The following SH3BP4 variants were observed in gnomAD, a reference collection of about 807,000 sequenced individuals.
SH3BP4 encodes SH3 domain-binding protein 4.
In SH3BP4, 33 loss-of-function variants were observed where a neutral mutation model predicts 65.5. That is an observed-to-expected ratio of 0.50 (90% CI 0.38 to 0.67). The LOEUF (loss-of-function observed/expected upper bound fraction) is 0.67. SH3BP4 is among the 30% of genes least tolerant of loss of function. The pLI is 0.00. For missense variants in SH3BP4, 1,134 were observed against 1,261.4 expected (o/e 0.90, Z 1.53); for synonymous variants, 552 against 545.5 (o/e 1.01, Z -0.17).
intron 2 of SH3BP4, among the ~76,000 whole-genome samples, chr2:235,020,310 G>A (rs1421042099): frequency 6.6e-6 from 1 of 152,182 alleles, no homozygotes; most frequent in Non-Finnish European, 1.5e-5. Context: ...AGCCTGGACA[G>A]CATGGTGAAA....
chr2:234,962,613 A>G (rs1329445714), intron 1 of SH3BP4, among the ~76,000 whole-genome samples: 1 of 152,208 alleles, frequency 6.6e-6, no homozygotes, highest in Non-Finnish European at 1.5e-5. Context: ...GGACACTTTC[A>G]TATGCGTCTT....
At chr2:234,995,884 C>T (rs746977806) in intron 2 of SH3BP4, 12 of 152,258 alleles carry the variant, frequency 7.9e-5, no homozygotes, top group Non-Finnish European at 1.3e-4. Flanking sequence ...CTCCCTGGGG[C>T]GTCAGGGGAG....
At chr2:235,009,289 A>G (rs73995731) in intron 2 of SH3BP4, among the ~76,000 whole-genome samples, 6,611 of 152,226 alleles carry the variant, frequency 0.043, 477 homozygotes, top group African/African-American at 0.15. Flanking sequence ...TCCACTCTGC[A>G]AAGGCAGTTG....
chr2:235,011,058 C>G (rs1461839535), intron 2 of SH3BP4, among the ~76,000 whole-genome samples: 1 of 148,806 alleles, frequency 6.7e-6, no homozygotes, highest in Admixed American at 6.6e-5. Flanking sequence ...ACCTTCCTCC[C>G]TCTCCTAGGA....
intron 1 of SH3BP4, among the ~76,000 whole-genome samples, chr2:234,982,316 C>A (rs1693411937): frequency 6.6e-6 from 1 of 152,088 alleles, no homozygotes; most frequent in Non-Finnish European, 1.5e-5. Context: ...TTGTCCACTT[C>A]TGTGTTGGTG....
intron 2 of SH3BP4, among the ~76,000 whole-genome samples, chr2:235,031,324 G>A (rs889118683): frequency 6.6e-6 from 1 of 152,136 alleles, no homozygotes; most frequent in Non-Finnish European, 1.5e-5. Context: ...TCAGGGGAGT[G>A]GCCATACCCC....
chr2:235,002,451 A>G (rs75135166), intron 2 of SH3BP4, among the ~76,000 whole-genome samples: 5,522 of 152,160 alleles, frequency 0.036, 337 homozygotes, highest in African/African-American at 0.13. Context: ...ACCAAGGTCA[A>G]GCTGGATGCG....
intron 2 of SH3BP4, among the ~76,000 whole-genome samples, chr2:235,010,133 A>C (rs1694431042): frequency 1.3e-5 from 2 of 151,232 alleles, no homozygotes; most frequent in East Asian, 2.0e-4. Context: ...CAGATTAGAG[A>C]CCCCTCCCCA....
intron 2 of SH3BP4, among the ~76,000 whole-genome samples, chr2:235,017,054 T>TC (rs1278583457): frequency 6.7e-6 from 1 of 149,452 alleles, no homozygotes; most frequent in South Asian, 2.1e-4. Context: ...TCTTTTTTTT[T>TC]TTTTTTTTTT....
Position 234,977,307 on chromosome 2 carries a change from C to T in SH3BP4, c.-206-17996C>T, listed in dbSNP as rs1040356153. ...CTTTCCTACAGACCCTCGCTTGGTG[C>T]GCCATGGCAGCTGGGCCCAGGCCTC... On this transcript the variant is annotated intron_variant, in intron 1 of 5. Transcript: ENST00000392011. This position sits in a 1 kb window ranked among gnomAD's most constrained non-coding sequence, Gnocchi z 5.1. 3.9e-5 allele frequency among the ~76,000 whole-genome samples: 6 copies of T among 152,082 alleles called. No homozygotes were observed. The highest frequency in any genetic ancestry group is 9.7e-5 in the African/African-American group (4 of 41,410).
chr2:234,975,364 C>T lies in SH3BP4; in HGVS notation c.-206-19939C>T, dbSNP rs74789325. 9.7e-3 allele frequency among the ~76,000 whole-genome samples: 1,483 copies of T among 152,236 alleles called. 10 individuals are homozygous for T. Among genetic ancestry groups the T allele is most frequent in the Non-Finnish European group, 0.016 (1,098 of 68,020 alleles). On this transcript the variant is annotated intron_variant, in intron 1 of 5. Transcript: ENST00000392011. ...GTGCAGGCACTTGCTGAGGTCACGGCGGCCAGACTGGAGCCCAGAACTCTG... is the reference window on the plus strand; with the variant it reads ...GTGCAGGCACTTGCTGAGGTCACGGTGGCCAGACTGGAGCCCAGAACTCTG...
intron 1 of SH3BP4, among the ~76,000 whole-genome samples, chr2:234,989,062 C>T (rs1194436710): frequency 6.6e-6 from 1 of 152,006 alleles, no homozygotes; most frequent in African/African-American, 2.4e-5. Context: ...AGTAGAAAGG[C>T]TTTTGTCCAT....
At chr2:235,010,822 CT>C (rs1694464178) in intron 2 of SH3BP4, among the ~76,000 whole-genome samples, 1 of 137,064 alleles carries the variant, frequency 7.3e-6, no homozygotes, top group Non-Finnish European at 1.6e-5. Context: ...TTCTAGAACC[CT>C]TCCTCCCTCT....
rs200887052 is a variant in SH3BP4 at position 235,038,239 on chromosome 2, T to TATATATATATTATATATA, written c.119-2640_119-2623dup. On this transcript the variant is annotated intron_variant, in intron 3 of 5. Coordinates refer to ENST00000392011, the MANE Select transcript of SH3BP4 (RefSeq NM_014521.3). ...ATATATATAAAGGATATATGTATTTTATATATATATTATATATAATATATA... is the reference window on the plus strand; with the variant it reads ...ATATATATAAAGGATATATGTATTTTATATATATATTATATATAATATATATATTATATATAATATATA... Among the ~76,000 whole-genome samples, 109 of 34,024 alleles carry TATATATATATTATATATA rather than the reference T, an allele frequency of 3.2e-3. 1 individual carries two copies. Among genetic ancestry groups the TATATATATATTATATATA allele is most frequent in the African/African-American group, 0.025 (100 of 4,030 alleles). The allele number at this position is 34,024 out of a possible 152,430, so 22.3% of individuals were successfully genotyped here. A position where few individuals can be genotyped will look rare whatever the true frequency, so the allele number is the denominator to read the frequency against.
chr2:235,054,625 C>T lies in SH3BP4; in HGVS notation c.*809C>T, dbSNP rs1357124069. On this transcript the variant is annotated 3_prime_UTR_variant, in exon 6 of 6. Coordinates refer to ENST00000392011, the MANE Select transcript of SH3BP4 (RefSeq NM_014521.3). ...CTGCCAGTGTGCAATTAGTCATTGA[C>T]AAGAACAATGCCATTTGAGAGTGAG... is the stretch of plus-strand genomic sequence containing the variant. 6.6e-6 allele frequency: 1 copy of T among 152,226 alleles called. No homozygotes were observed. Among genetic ancestry groups the T allele is most frequent in the African/African-American group, 2.4e-5 (1 of 41,456 alleles). The allele number at this position is 152,226 out of a possible 1,614,324, so 9.4% of individuals were successfully genotyped here.
rs760660238 is a variant in SH3BP4 at position 235,041,196 on chromosome 2, G to A, written c.427G>A (p.Gly143Arg). 32 of 1,613,980 alleles carry A rather than the reference G, an allele frequency of 2.0e-5. No individual in the cohort carries two copies. The Middle Eastern group carries it at 8.2e-4, about 41-fold the overall frequency. The part of the protein sequence containing the change: ...DEVAKELELL[G>R]GWTDDKKVPG... ...GGTAGCCAAGGAGCTGGAGCTGCTC[G>A]GGGGATGGACAGATGACAAAAAAGT... The change falls in exon 4 of 6, where the codon GGG becomes AGG. Residue 143 changes from glycine to arginine, a missense_variant. Physicochemically the swap from Gly to Arg is moderately radical, Grantham distance 125. Coordinates refer to ENST00000392011, the MANE Select transcript of SH3BP4 (RefSeq NM_014521.3). The surrounding 1 kb of genome is among the most constrained non-coding windows in gnomAD (Gnocchi z 6.0).
rs375882883 is a variant in SH3BP4 at position 235,050,474 on chromosome 2, C to T, written c.2479-2088C>T. Among the ~76,000 whole-genome samples the T allele has an allele frequency of 3.3e-5, 5 of 152,244 alleles. No homozygotes were observed. The South Asian group carries it at 8.3e-4, about 25-fold the overall frequency. The stretch of plus-strand genomic sequence containing the variant: ...CAAACGGCCACCAGGTCCTCAAACC[C>T]CCTTCTGGCCAGCCTCGTTGGTAGC... On this transcript the variant is annotated intron_variant, in intron 4 of 5. Transcript: ENST00000392011.
At chr2:234,975,604 C>T (rs144071653) in intron 1 of SH3BP4, among the ~76,000 whole-genome samples, 167 of 152,272 alleles carry the variant, frequency 1.1e-3, no homozygotes, top group African/African-American at 3.7e-3. Context: ...GGCTGGGCGC[C>T]GTGGTTCATG....
chr2:235,052,782 G>T lies in SH3BP4; in HGVS notation c.2667+32G>T. ...AGCGGCTGAGCTTCGAGCTCACCGA[G>T]CCCCTCTGTCCCTGGGTTCCGTGGA... On this transcript the variant is annotated intron_variant, in intron 5 of 5. Coordinates refer to ENST00000392011, the MANE Select transcript of SH3BP4 (RefSeq NM_014521.3). This position sits in a 1 kb window ranked among gnomAD's most constrained non-coding sequence, Gnocchi z 5.0. 1.3e-6 allele frequency: 2 copies of T among 1,536,254 alleles called. No homozygotes were observed. Among genetic ancestry groups the T allele is most frequent in the Non-Finnish European group, 1.8e-6 (2 of 1,142,800 alleles).
Sources: gnomAD v4.1 joint callset for allele counts (sites outside exome capture counted in the v4.1 genomes callset) on GRCh38, gnomAD v4.1.1 for gene constraint, Gnocchi (gnomAD v3.1) non-coding constraint, MANE v1.5 for transcripts, NCBI Gene and HGNC (gene_info 2026-07-23, HGNC 2026-07-21) for gene names.